The following THAP8 variants were observed in gnomAD, a reference collection of about 807,000 sequenced individuals.
THAP8 encodes the protein THAP domain-containing protein 8.
THAP8 carries 24 observed loss-of-function variants against 25.0 expected under a neutral mutation model. The ratio of observed to expected loss-of-function variants is 0.96; its 90% confidence interval spans 0.69 to 1.35. The LOEUF is 1.35. THAP8 is among the 40% of genes most tolerant of loss of function. THAP8 has a pLI of 0.00. For synonymous variants in THAP8, 169 were observed against 157.6 expected (o/e 1.07, Z -0.54); for missense variants, 399 against 368.8 (o/e 1.08, Z -0.67).
Position 36,035,546 on chromosome 19 carries a change from ATGG to A in THAP8, c.716_718del (p.Thr239del), listed in dbSNP as rs1270990233. ...GGCTATGTCAGGCCCTCCACAGATG[ATGG>A]TGAAGGTTTGGGATTCCTCAGGTCC... is the stretch of plus-strand genomic sequence containing the variant. On this transcript the variant is annotated inframe_deletion, in exon 4 of 4. Coordinates refer to ENST00000292894, the MANE Select transcript of THAP8 (RefSeq NM_152658.3). 1 of 1,614,082 alleles carries A rather than the reference ATGG, an allele frequency of 6.2e-7. No individual in the cohort carries two copies. Among genetic ancestry groups the A allele is most frequent in the Middle Eastern group, 1.7e-4 (1 of 6,058 alleles).
intron 1 of THAP8, among the ~76,000 whole-genome samples, chr19:36,040,487 C>T (rs923749083): frequency 6.6e-6 from 1 of 152,036 alleles, no homozygotes; most frequent in Admixed American, 6.6e-5. Flanking sequence ...CCACCACGCC[C>T]GGCTAATTTT....
chr19:36,039,889 TTAGGCAGGGAGGTCTG>T, intron 2 of THAP8, 39 bp downstream of exon 2: 3 of 1,607,972 alleles, frequency 1.9e-6, no homozygotes, highest in Middle Eastern at 2.0e-4. Flanking sequence ...GGGACTTCCC[TTAGGCAGGGAGGTCTG>T]GGGGTTGGAT....
chr19:36,040,271 C>T, intron 1 of THAP8, 135 bp from the exon 2 acceptor site: 1 of 868,366 alleles, frequency 1.2e-6, no homozygotes. Flanking sequence ...TGTCTTGTGC[C>T]CAGGCTTTCT....
chr19:36,036,272 C>CTTTTTTTTTTTTTTTTTTTTTTTTTTT, intron 3 of THAP8, among the ~76,000 whole-genome samples: 1 of 110,482 alleles, frequency 9.1e-6, no homozygotes. Flanking sequence ...AAAGACCAGA[C>CTTTTTTTTTTTTTTTTTTTTTTTTTTT]TTTTTTTTTT....
At chr19:36,051,336 T>C (rs2145460989) in intron 1 of THAP8, among the ~76,000 whole-genome samples, 1 of 152,250 alleles carries the variant, frequency 6.6e-6, no homozygotes, top group Non-Finnish European at 1.5e-5. Flanking sequence ...CTGTAGGACT[T>C]TGCAGGCCTG....
At chr19:36,039,904 T>C (rs1442487921) in intron 2 of THAP8, 40 bp downstream of exon 2, 1 of 1,610,116 alleles carries the variant, frequency 6.2e-7, no homozygotes, top group South Asian at 1.1e-5. Flanking sequence ...CAGGGAGGTC[T>C]GGGGGTTGGA....
intron 1 of THAP8, among the ~76,000 whole-genome samples, chr19:36,044,484 CTTTT>C (rs367652436): frequency 3.9e-5 from 6 of 152,012 alleles, no homozygotes; most frequent in African/African-American, 1.4e-4. Context: ...TGCTCTCTTT[CTTTT>C]CTTTTCTTTC....
upstream of THAP8, chr19:36,054,664 C>T (rs984618726): frequency 5.3e-6 from 3 of 564,738 alleles, no homozygotes; most frequent in Non-Finnish European, 9.5e-6. Flanking sequence ...GCCTTAGCCT[C>T]GTAAAAATTA....
chr19:36,042,990 G>GTGATC (rs1969750430), intron 1 of THAP8, among the ~76,000 whole-genome samples: 1 of 152,146 alleles, frequency 6.6e-6, no homozygotes, highest in Non-Finnish European at 1.5e-5. Context: ...ATGCAGTGGT[G>GTGATC]TGATCTCGGC....
chr19:36,046,955 G>C (rs1050168851), intron 1 of THAP8, among the ~76,000 whole-genome samples: 2 of 152,156 alleles, frequency 1.3e-5, no homozygotes, highest in Admixed American at 6.5e-5. Flanking sequence ...GGATTCAGCA[G>C]CTCAAAGAGC....
intron 1 of THAP8, among the ~76,000 whole-genome samples, chr19:36,047,485 TGGAA>T (rs950274799): frequency 1.8e-4 from 28 of 152,156 alleles, no homozygotes; most frequent in Non-Finnish European, 3.5e-4. Context: ...CCACCTTGGA[TGGAA>T]GCCACAGGCC....
rs1969641950 is a variant in THAP8, at chr19:36,040,191, C to A, written c.84-55G>T. 4 of 1,510,556 alleles carry A rather than the reference C, an allele frequency of 2.6e-6. No homozygotes were observed. In the South Asian group the frequency reaches 5.0e-5, roughly 19 times the overall value. 93.6% of individuals were successfully genotyped at this position (1,510,556 alleles called of 1,614,324 possible). ...TGCTACGAGGTTCAGACTTATCCCT[C>A]CCAGAGGATACCCACCCTGGAGGTC... On this transcript the variant is annotated intron_variant, in intron 1 of 3. Transcript: ENST00000292894.
Position 36,039,462 on chromosome 19 carries a change from C to T in THAP8, c.533G>A (p.Gly178Glu). The T allele has an allele frequency of 1.2e-6, 2 of 1,600,402 alleles. No homozygotes were observed. The highest frequency in any genetic ancestry group is 1.3e-5 in the African/African-American group (1 of 74,722). ...QAQTGLGPVLGALQRRVRRLQ... is the reference protein window; with the variant it reads ...QAQTGLGPVLEALQRRVRRLQ... ...CCTCCGCACCCGGCGTTGCAGTGCT[C>T]CCAGCACTGGGCCCAGCCCGGTCTG... Residue 178 changes from glycine (G) to glutamate (E), a missense_variant, in exon 3 of 4, where the codon GGA becomes GAA. Gly to Glu is a moderately conservative substitution (Grantham distance 98). Transcript: ENST00000292894.
At chr19:36,038,826 G>A (rs1969573291) in intron 3 of THAP8, among the ~76,000 whole-genome samples, 1 of 150,794 alleles carries the variant, frequency 6.6e-6, no homozygotes, top group Admixed American at 6.6e-5. Context: ...ACTCCAGCCT[G>A]GGCAACAGAG....
At position 36,039,732 on chromosome 19, in the gene THAP8, C is replaced by T. The variant is rs1161683663; in HGVS notation, c.277-14G>A. The T allele has an allele frequency of 6.6e-7, 1 of 1,506,268 alleles. No individual in the cohort carries two copies. Among genetic ancestry groups the T allele is most frequent in the African/African-American group, 1.4e-5 (1 of 71,500 alleles). 93.3% of individuals were successfully genotyped at this position (1,506,268 alleles called of 1,614,324 possible). On this transcript the variant is annotated splice_polypyrimidine_tract_variant and intron_variant, in intron 2 of 3. Coordinates refer to ENST00000292894, the MANE Select transcript of THAP8 (RefSeq NM_152658.3). ...CCTCCGCTGACTCTGGAAGACAAGG[C>T]ATGGGGTGCAGGGGTGCCGTGGTCA... is the stretch of plus-strand genomic sequence containing the variant.
intron 1 of THAP8, among the ~76,000 whole-genome samples, chr19:36,042,860 G>C (rs1351216517): frequency 6.6e-6 from 1 of 152,132 alleles, no homozygotes; most frequent in Non-Finnish European, 1.5e-5. Flanking sequence ...TCTGCCTCCT[G>C]GGTTCAAGTG....
At chr19:36,036,940 CAAAAAAAAAA>C (rs10522467) in intron 3 of THAP8, among the ~76,000 whole-genome samples, 1 of 113,178 alleles carries the variant, frequency 8.8e-6, no homozygotes, top group African/African-American at 3.4e-5. Context: ...GACTCCTTCT[CAAAAAAAAAA>C]AAAAAAAAAA....
chr19:36,053,409 T>G (rs1240109167), intron 1 of THAP8, among the ~76,000 whole-genome samples: 1 of 142,242 alleles, frequency 7.0e-6, no homozygotes, highest in Non-Finnish European at 1.5e-5. Flanking sequence ...ATTTAAATTA[T>G]CCAGGCATGG....
At chr19:36,054,529 T>C (rs1970231723), upstream of THAP8, 1 of 561,692 alleles carries the variant, frequency 1.8e-6, no homozygotes, top group Admixed American at 3.1e-5. Flanking sequence ...TTTCTGAGCC[T>C]GCGCCAACCA....
Sources: gnomAD v4.1 joint callset for allele counts (sites outside exome capture counted in the v4.1 genomes callset) on GRCh38, gnomAD v4.1.1 for gene constraint, MANE v1.5 for transcripts, NCBI Gene and HGNC (gene_info 2026-07-23, HGNC 2026-07-21) for gene names.